CASP5: variants seen among roughly 807,000 people sequenced by gnomAD.
CASP5 encodes the protein caspase 5.
A neutral mutation model predicts 45.2 loss-of-function variants in CASP5; 42 were observed. The ratio of observed to expected loss-of-function variants is 0.93; its 90% CI spans 0.73 to 1.20. The LOEUF (loss-of-function observed/expected upper bound fraction) is 1.20, where lower values mean the gene tolerates loss of function less well. CASP5 is among the 50% of genes most tolerant of loss of function. The pLI is 0.00. For synonymous variants in CASP5, 209 were observed against 186.2 expected, an observed-to-expected ratio of 1.12 and a Z score of -1.00; for missense variants, 512 against 532.2, an observed-to-expected ratio of 0.96 and a Z score of 0.37.
intron 1 of CASP5, among the ~76,000 whole-genome samples, chr11:105,014,037 T>G (rs1466982743): frequency 2.6e-5 from 4 of 152,288 alleles, no homozygotes; most frequent in African/African-American, 9.6e-5. Context: ...AAGAACCTTA[T>G]AAACCTTCTT....
intron 7 of CASP5, among the ~76,000 whole-genome samples, chr11:104,997,732 A>C (rs1484588650): frequency 6.6e-6 from 1 of 152,192 alleles, no homozygotes; most frequent in Non-Finnish European, 1.5e-5. Context: ...CTTGGAACTA[A>C]CTTTTTATTA....
At chr11:104,994,829 A>G in intron 9 of CASP5, among the ~76,000 whole-genome samples, 1 of 152,254 alleles carries the variant, frequency 6.6e-6, no homozygotes, top group East Asian at 1.9e-4. Context: ...AACTCTGTGC[A>G]TTCTTTATTC....
At chr11:105,008,692 T>A (rs1312370660) in intron 2 of CASP5, 115 bp downstream of exon 2, 1 of 733,350 alleles carries the variant, frequency 1.4e-6, no homozygotes, top group African/African-American at 1.8e-5. Flanking sequence ...TTGGTGAAAA[T>A]GATAGTTTCA....
intron 1 of CASP5, among the ~76,000 whole-genome samples, chr11:105,021,404 T>G (rs1429955354): frequency 6.8e-6 from 1 of 147,400 alleles, no homozygotes; most frequent in African/African-American, 2.5e-5. Context: ...TTTCGCAACC[T>G]ACTCGTCTGA....
At chr11:104,996,926 T>C (rs186253578) in intron 8 of CASP5, among the ~76,000 whole-genome samples, 5 of 152,192 alleles carry the variant, frequency 3.3e-5, no homozygotes. Flanking sequence ...TTATGAATTC[T>C]ACCACAATCT....
At position 105,002,198 on chromosome 11, in the gene CASP5, A is replaced by T. The variant is rs146303138; in HGVS notation, c.547T>A (p.Tyr183Asn). 1.9e-6 allele frequency: 3 copies of T among 1,613,822 alleles called. No individual in the cohort carries two copies. The highest frequency in any genetic ancestry group is 2.5e-6 in the Non-Finnish European group (3 of 1,179,898). Residue 183 changes from tyrosine (Y) to asparagine (N), a missense_variant, in exon 5 of 10, where the codon TAT becomes AAT. Physicochemically the swap from Tyr to Asn is moderately radical, Grantham distance 143. Coordinates refer to ENST00000260315, the MANE Select transcript of CASP5 (RefSeq NM_004347.5). ...CGGTCCTCTCTCTTTTTTATTGGAT[A>T]GATCTGCAGGAGATGGAGATGAAGC... ...RLCKKNHDEI[Y>N]PIKKREDRRR...
At position 105,003,221 on chromosome 11, in the gene CASP5, A is replaced by G. The variant is rs1022735974; in HGVS notation, c.543+53T>C. 1.2e-5 allele frequency: 13 copies of G among 1,109,608 alleles called. No individual in the cohort carries two copies. The African/African-American group carries it at 1.7e-4, about 15-fold the overall frequency. The allele number at this position is 1,109,608 out of a possible 1,614,324, so 68.7% of individuals were successfully genotyped here. On this transcript the variant is annotated intron_variant, in intron 4 of 9. Coordinates refer to ENST00000260315, the MANE Select transcript of CASP5 (RefSeq NM_004347.5). ...TTTTTAAAAATGTGCATTGCATTTA[A>G]TGAAAGCAATTGTTTCTCTCTTCTT...
rs1042839354 is a variant in CASP5 at position 105,000,321 on chromosome 11, G to A, written c.892C>T (p.Arg298Cys). The A allele has an allele frequency of 1.7e-5, 28 of 1,614,174 alleles. No homozygotes were observed. Among genetic ancestry groups the A allele is most frequent in the Non-Finnish European group, 2.3e-5 (27 of 1,180,032 alleles). ...YDTIFQIFNN[R>C]NCLSLKDKPK... ...TTGTCCTTTAGACTGAGGCAGTTGC[G>A]GTTGTTGAATATCTGGAAGATGGTG... is the stretch of plus-strand genomic sequence containing the variant. The change falls in exon 6 of 10, where the codon CGC (arginine) becomes TGC (cysteine). Residue 298 changes from arginine (R) to cysteine (C), a missense_variant. Arg to Cys is a radical substitution (Grantham distance 180, BLOSUM62 -3). Coordinates refer to ENST00000260315, the MANE Select transcript of CASP5 (RefSeq NM_004347.5).
rs753555545 is a variant in CASP5, at chr11:105,008,932, T to C, written c.56A>G (p.Lys19Arg). Residue 19 changes from lysine to arginine, a missense_variant, in exon 2 of 10, where the codon AAA becomes AGA. Physicochemically the swap from Lys to Arg is conservative, Grantham distance 26. Coordinates refer to ENST00000260315, the MANE Select transcript of CASP5 (RefSeq NM_004347.5). Reference protein sequence around the residue: ...KRRKNFEAMFKGILQSGLDNF... With the variant: ...KRRKNFEAMFRGILQSGLDNF... ...ATCCAATCCACTCTGAAGGATACCT[T>C]TGAACATAGCTTCAAAATTCTTACG... is the stretch of plus-strand genomic sequence containing the variant. 1.2e-6 allele frequency: 2 copies of C among 1,612,848 alleles called. No individual in the cohort carries two copies. The highest frequency in any genetic ancestry group is 3.3e-5 in the Admixed American group (2 of 59,866).
chr11:105,018,801 G>A (rs369476107), intron 1 of CASP5, among the ~76,000 whole-genome samples: 7,985 of 124,010 alleles, frequency 0.064, 149 homozygotes, highest in Admixed American at 0.094. Context: ...TGCACCAAGC[G>A]GACCTAATAG....
intron 3 of CASP5, among the ~76,000 whole-genome samples, chr11:105,005,839 C>T (rs187138374): frequency 2.4e-4 from 37 of 152,232 alleles, no homozygotes; most frequent in African/African-American, 7.9e-4. Flanking sequence ...TTTCCTCATG[C>T]CATTCCAGGT....
chr11:105,018,016 A>G (rs1365567288), intron 1 of CASP5, among the ~76,000 whole-genome samples: 2 of 152,084 alleles, frequency 1.3e-5, no homozygotes, highest in Non-Finnish European at 2.9e-5. Context: ...ATTCTTAAAG[A>G]AAAGAATTTT....
chr11:105,001,951 C>A, intron 5 of CASP5, 77 bp downstream of exon 5: 1 of 1,475,986 alleles, frequency 6.8e-7, no homozygotes, highest in Non-Finnish European at 9.2e-7. Flanking sequence ...CCTTGTTGAA[C>A]TTCTATAAAG....
chr11:105,000,135 T>A lies in CASP5; in HGVS notation c.952+126A>T, dbSNP rs45472301. 1,715 of 984,812 alleles carry A rather than the reference T, an allele frequency of 1.7e-3. 19 individuals carry two copies. The African/African-American group carries it at 0.022, about 13-fold the overall frequency. 61.0% of individuals were successfully genotyped at this position (984,812 alleles called of 1,614,324 possible). On this transcript the variant is annotated intron_variant, in intron 6 of 9. Transcript: ENST00000260315. The stretch of plus-strand genomic sequence containing the variant: ...TATCAGCCCCTTAGGTAGAGTTTCT[T>A]CATAATTCAATGTACTTTATTTGCA...
chr11:105,002,562 A>G (rs1861792982), intron 4 of CASP5, among the ~76,000 whole-genome samples: 1 of 152,196 alleles, frequency 6.6e-6, no homozygotes, highest in African/African-American at 2.4e-5. Flanking sequence ...CTTCCGTATT[A>G]TGATTATTTT....
intron 1 of CASP5, among the ~76,000 whole-genome samples, chr11:105,015,748 T>C (rs1208223334): frequency 8.8e-6 from 1 of 113,246 alleles, no homozygotes; most frequent in Admixed American, 9.6e-5. Flanking sequence ...TATCATAAAA[T>C]AGACAAAAAA....
intron 1 of CASP5, among the ~76,000 whole-genome samples, chr11:105,009,766 CACACGTATATAT>C (rs1862203147): frequency 1.3e-5 from 1 of 78,654 alleles, no homozygotes; most frequent in African/African-American, 4.6e-5. Flanking sequence ...TATACACACA[CACACGTATATAT>C]ATATATATAC....
chr11:105,009,814 CAT>C (rs1207954162), intron 1 of CASP5, among the ~76,000 whole-genome samples: 1,199 of 92,150 alleles, frequency 0.013, 22 homozygotes, highest in Non-Finnish European at 0.018. Flanking sequence ...TATACACACA[CAT>C]ATATATATAC....
At chr11:104,998,689 A>G (rs1331304007) in intron 7 of CASP5, among the ~76,000 whole-genome samples, 196 bp downstream of exon 7, 3 of 152,214 alleles carry the variant, frequency 2.0e-5, no homozygotes, top group African/African-American at 7.2e-5. Context: ...TAATAAAAGT[A>G]CAGTTTTTTA....
Sources: allele counts gnomAD v4.1 joint callset (sites outside exome capture counted in the v4.1 genomes callset), GRCh38; gene constraint gnomAD v4.1.1; transcripts MANE v1.5; gene names NCBI Gene and HGNC (gene_info 2026-07-23, HGNC 2026-07-21).